The following PRKCE variants were observed in gnomAD, a reference collection of about 807,000 sequenced individuals.
PRKCE encodes protein kinase C epsilon type.
Under a neutral mutation model 85.4 loss-of-function variants are expected in PRKCE, and 16 were observed. The observed-to-expected ratio is 0.19, with a 90% confidence interval of 0.13 to 0.28. The LOEUF (loss-of-function observed/expected upper bound fraction) is 0.28. Ranked by LOEUF, PRKCE falls within the 10% of genes least tolerant of loss-of-function variation. PRKCE has a pLI of 1.00. For synonymous variants in PRKCE, 388 were observed against 371.5 expected (o/e 1.04, Z -0.51); for missense variants, 573 against 975.2 (o/e 0.59, Z 5.49).
chr2:46,120,781 C>T (rs756620775), intron 11 of PRKCE, among the ~76,000 whole-genome samples: 21 of 152,134 alleles, frequency 1.4e-4, no homozygotes, highest in Non-Finnish European at 2.5e-4. Context: ...AGGATGCCAC[C>T]CATGTTTCAA....
chr2:45,716,207 C>T, intron 1 of PRKCE, among the ~76,000 whole-genome samples: 1 of 152,208 alleles, frequency 6.6e-6, no homozygotes, highest in East Asian at 1.9e-4. Flanking sequence ...TTACTTCGTT[C>T]TCATGCTGCT....
chr2:45,846,074 C>G (rs1451385403), intron 2 of PRKCE, among the ~76,000 whole-genome samples: 1 of 152,120 alleles, frequency 6.6e-6, no homozygotes, highest in Non-Finnish European at 1.5e-5. Flanking sequence ...CAGTCTCAGT[C>G]CATGTTTTAC....
intron 1 of PRKCE, among the ~76,000 whole-genome samples, chr2:45,735,351 T>C (rs1294092839): frequency 6.6e-6 from 1 of 152,224 alleles, no homozygotes; most frequent in Non-Finnish European, 1.5e-5. Flanking sequence ...AACTGTTTAG[T>C]TGCAAAAAGG....
intron 10 of PRKCE, among the ~76,000 whole-genome samples, chr2:46,034,735 C>A (rs1488570068): frequency 6.6e-6 from 1 of 152,212 alleles, no homozygotes; most frequent in East Asian, 1.9e-4. Context: ...CACAGGGAGT[C>A]CTTTGGCAAA....
At chr2:46,094,422 TG>T (rs1421973915) in intron 11 of PRKCE, among the ~76,000 whole-genome samples, 1 of 152,198 alleles carries the variant, frequency 6.6e-6, no homozygotes, top group Non-Finnish European at 1.5e-5. Context: ...AGAGTTTGAC[TG>T]GGCATAGAAT....
At chr2:45,978,902 G>A (rs1256770917) in intron 3 of PRKCE, 74 bp from the exon 4 acceptor site, 9 of 1,374,782 alleles carry the variant, frequency 6.5e-6, no homozygotes, top group Middle Eastern at 3.6e-4. Flanking sequence ...GGCCCAAATT[G>A]GGTGGTTTTT....
chr2:45,758,047 T>C (rs34732388), intron 1 of PRKCE, among the ~76,000 whole-genome samples: 95,372 of 152,054 alleles, frequency 0.63, 30,441 homozygotes, highest in African/African-American at 0.74. Context: ...ACAGGCTTTG[T>C]TGAAGAACCA....
intron 1 of PRKCE, among the ~76,000 whole-genome samples, chr2:45,718,312 G>A (rs532195579): frequency 2.0e-5 from 3 of 151,448 alleles, no homozygotes; most frequent in African/African-American, 7.3e-5. Flanking sequence ...AGCAATTTGG[G>A]GAGAGCTAAT....
At chr2:46,128,250 G>C (rs895753173) in intron 11 of PRKCE, among the ~76,000 whole-genome samples, 2 of 151,992 alleles carry the variant, frequency 1.3e-5, no homozygotes, top group African/African-American at 4.8e-5. Flanking sequence ...GTAGATATTC[G>C]AATCTGTTTA....
At chr2:45,882,409 G>T (rs920565951) in intron 2 of PRKCE, among the ~76,000 whole-genome samples, 1 of 152,306 alleles carries the variant, frequency 6.6e-6, no homozygotes, top group African/African-American at 2.4e-5. Flanking sequence ...TCTGATGTCC[G>T]CAGTCTCATA....
rs541869575 is a variant in PRKCE at position 46,164,495 on chromosome 2, T to C, written c.2067+4743T>C. On this transcript the variant is annotated intron_variant, in intron 14 of 14. Transcript: ENST00000306156. ...GTTACCTCCACTTGCTTCCAAGCCA[T>C]GCCCTTTTGGCATCATACTAGAATG... Among the ~76,000 whole-genome samples the C allele has an allele frequency of 4.6e-5, 7 of 152,346 alleles. No homozygotes were observed. The South Asian group carries it at 1.0e-3, about 23-fold the overall frequency.
At chr2:46,081,842 T>A (rs1669108255) in intron 10 of PRKCE, among the ~76,000 whole-genome samples, 1 of 152,160 alleles carries the variant, frequency 6.6e-6, no homozygotes, top group African/African-American at 2.4e-5. Flanking sequence ...ATGCTTGTAA[T>A]CCCAGCATTC....
chr2:45,733,500 AAG>A (rs1238864521), intron 1 of PRKCE, among the ~76,000 whole-genome samples: 2 of 152,170 alleles, frequency 1.3e-5, no homozygotes, highest in Admixed American at 1.3e-4. Context: ...GCCACGGAAA[AAG>A]AGACATTACT....
chr2:46,087,922 TA>T (rs1669800159), intron 11 of PRKCE, among the ~76,000 whole-genome samples: 1 of 152,242 alleles, frequency 6.6e-6, no homozygotes, highest in Non-Finnish European at 1.5e-5. Context: ...CGTAAGTCTC[TA>T]ACTTCAGGGA....
intron 10 of PRKCE, among the ~76,000 whole-genome samples, chr2:46,032,511 C>T (rs889925175): frequency 9.9e-5 from 15 of 152,156 alleles, no homozygotes; most frequent in Non-Finnish European, 2.2e-4. Context: ...AAAACCTTCC[C>T]GCTGGTTGTC....
At chr2:45,939,998 C>T (rs911793820) in intron 2 of PRKCE, among the ~76,000 whole-genome samples, 1 of 152,178 alleles carries the variant, frequency 6.6e-6, no homozygotes, top group Non-Finnish European at 1.5e-5. Flanking sequence ...GAACATTCTC[C>T]CCTGCTTCCA....
intron 10 of PRKCE, among the ~76,000 whole-genome samples, chr2:46,016,342 G>A (rs578112116): frequency 5.3e-5 from 8 of 152,118 alleles, no homozygotes; most frequent in Non-Finnish European, 7.4e-5. Context: ...TGTCTGTGTA[G>A]ATGAGCTGGC....
chr2:45,771,906 T>A (rs1028005115), intron 1 of PRKCE, among the ~76,000 whole-genome samples: 2 of 152,052 alleles, frequency 1.3e-5, no homozygotes, highest in Non-Finnish European at 2.9e-5. Context: ...CATTCCAGCT[T>A]CCCGGTTGGC....
chr2:45,722,630 G>A (rs1680714577), intron 1 of PRKCE, among the ~76,000 whole-genome samples: 1 of 152,170 alleles, frequency 6.6e-6, no homozygotes, highest in Non-Finnish European at 1.5e-5. Flanking sequence ...TTACTTCCTG[G>A]AGCCATTGTG....
Sources: gnomAD v4.1 joint callset for allele counts (sites outside exome capture counted in the v4.1 genomes callset) on GRCh38, gnomAD v4.1.1 for gene constraint, MANE v1.5 for transcripts, NCBI Gene and HGNC (gene_info 2026-07-23, HGNC 2026-07-21) for gene names.